The following UTS2B variants were observed in gnomAD, a reference collection of about 807,000 sequenced individuals.
UTS2B encodes urotensin-2B.
In UTS2B, 21 loss-of-function variants were observed where a neutral mutation model predicts 19.2. The ratio of observed to expected loss-of-function variants is 1.09; its 90% CI spans 0.78 to 1.58. The LOEUF (loss-of-function observed/expected upper bound fraction) is 1.58, where lower values mean the gene tolerates loss of function less well. Ranked by LOEUF, UTS2B falls within the 40% of genes most tolerant of loss-of-function variation. The pLI, the probability that UTS2B is intolerant of heterozygous loss-of-function variation, is 0.00. For synonymous variants in UTS2B, 57 were observed against 50.2 expected (o/e 1.14, Z -0.58); for missense variants, 138 against 130.3 (o/e 1.06, Z -0.29).
intron 5 of UTS2B, among the ~76,000 whole-genome samples, chr3:191,279,644 T>G (rs1480290667): frequency 6.6e-6 from 1 of 152,060 alleles, no homozygotes; most frequent in Non-Finnish European, 1.5e-5. Flanking sequence ...GTGAAACATT[T>G]TTCAAAAAAC....
chr3:191,289,145 C>T (rs903330258), intron 4 of UTS2B, among the ~76,000 whole-genome samples: 1 of 152,120 alleles, frequency 6.6e-6, no homozygotes, highest in African/African-American at 2.4e-5. Context: ...CGCAGTGGCT[C>T]ACGCCTGTAA....
At chr3:191,345,734 G>A in the UTS2B span, among the ~76,000 whole-genome samples, 1 of 151,686 alleles carries the variant, frequency 6.6e-6, no homozygotes, top group Non-Finnish European at 1.5e-5. Flanking sequence ...GAATTTAGGG[G>A]ATTAGAAAAA....
chr3:191,295,839 C>T (rs916527469), intron 4 of UTS2B, among the ~76,000 whole-genome samples: 1 of 149,990 alleles, frequency 6.7e-6, no homozygotes, highest in Non-Finnish European at 1.5e-5. Flanking sequence ...CTCTTAAATA[C>T]TTCTCAAACC....
At chr3:191,276,464 A>G (rs1716239129) in intron 7 of UTS2B, among the ~76,000 whole-genome samples, 1 of 152,240 alleles carries the variant, frequency 6.6e-6, no homozygotes, top group South Asian at 2.1e-4. Context: ...TTTAAAAACA[A>G]TAACATCCAT....
chr3:191,268,574 G>T, intron 8 of UTS2B, 133 bp from the exon 9 acceptor site: 1 of 572,692 alleles, frequency 1.7e-6, no homozygotes, highest in Non-Finnish European at 3.1e-6. Context: ...GTAGCTACTA[G>T]CCTCATGTGG....
At chr3:191,346,155 AAAAT>A in the UTS2B span, among the ~76,000 whole-genome samples, 3 of 152,354 alleles carry the variant, frequency 2.0e-5, no homozygotes, top group Middle Eastern at 3.4e-3. Flanking sequence ...GGAGCATTAT[AAAAT>A]AAATCAATAA....
chr3:191,324,948 G>C (rs552251229), intron 2 of UTS2B, among the ~76,000 whole-genome samples: 3 of 152,166 alleles, frequency 2.0e-5, no homozygotes, highest in Non-Finnish European at 1.5e-5. Flanking sequence ...TACTTGGGAG[G>C]CTGAGGCATG....
At chr3:191,268,591 A>C in intron 8 of UTS2B, 150 bp from the exon 9 acceptor site, 1 of 551,784 alleles carries the variant, frequency 1.8e-6, no homozygotes, top group Non-Finnish European at 3.3e-6. Context: ...GTGGATCTTT[A>C]AGTTAATCAC....
At chr3:191,302,016 AG>A in intron 4 of UTS2B, among the ~76,000 whole-genome samples, 1 of 151,920 alleles carries the variant, frequency 6.6e-6, no homozygotes, top group East Asian at 1.9e-4. Context: ...CTGCAATCCC[AG>A]GGGGTTAGGC....
the UTS2B span, among the ~76,000 whole-genome samples, chr3:191,338,603 AG>A: frequency 6.6e-6 from 1 of 152,170 alleles, no homozygotes; most frequent in South Asian, 2.1e-4. Flanking sequence ...TTGTTTTCCC[AG>A]CATTCTCTGG....
intron 3 of UTS2B, among the ~76,000 whole-genome samples, chr3:191,313,328 C>G (rs1250432971): frequency 6.6e-6 from 1 of 152,174 alleles, no homozygotes; most frequent in Admixed American, 6.5e-5. Flanking sequence ...TAACATTTAA[C>G]TCACAGTAAT....
chr3:191,331,736 A>G (rs920905535), upstream of UTS2B, among the ~76,000 whole-genome samples: 11 of 152,212 alleles, frequency 7.2e-5, no homozygotes, highest in African/African-American at 2.4e-4. Flanking sequence ...CAAGTCTAAT[A>G]AAGTGTATCC....
chr3:191,321,797 T>C (rs976835461), intron 2 of UTS2B, among the ~76,000 whole-genome samples: 1 of 152,116 alleles, frequency 6.6e-6, no homozygotes, highest in Non-Finnish European at 1.5e-5. Context: ...GAGGCCAAGG[T>C]GGGCAGATCA....
rs376568968 is a variant in UTS2B, at chr3:191,288,991, TCAAA to T, written c.-124-6682_-124-6679del. 1.5e-3 allele frequency among the ~76,000 whole-genome samples: 222 copies of T among 151,896 alleles called. 1 individual carries two copies. Among genetic ancestry groups the T allele is most frequent in the African/African-American group, 5.2e-3 (217 of 41,402 alleles). ...TTAGTATCCAAAATATCTAAGAAACTCAAACAAATCAATATCAAGAAAACAGCTC... is the reference window on the plus strand; with the variant it reads ...TTAGTATCCAAAATATCTAAGAAACTCAAATCAATATCAAGAAAACAGCTC... On this transcript the variant is annotated intron_variant, in intron 4 of 8. Coordinates refer to ENST00000340524, the MANE Select transcript of UTS2B (RefSeq NM_198152.5).
At chr3:191,324,508 A>T (rs1717693744) in intron 2 of UTS2B, among the ~76,000 whole-genome samples, 1 of 152,102 alleles carries the variant, frequency 6.6e-6, no homozygotes, top group Admixed American at 6.6e-5. Context: ...TATTCTCCTG[A>T]CAGTGAATAA....
intron 5 of UTS2B, among the ~76,000 whole-genome samples, chr3:191,278,954 T>G (rs1036096042): frequency 6.6e-6 from 1 of 152,092 alleles, no homozygotes; most frequent in Non-Finnish European, 1.5e-5. Flanking sequence ...TTCTTCTCCC[T>G]GCCTCTTTGT....
At chr3:191,312,513 C>CTT (rs200654725) in intron 3 of UTS2B, among the ~76,000 whole-genome samples, 2 of 151,430 alleles carry the variant, frequency 1.3e-5, no homozygotes, top group South Asian at 2.1e-4. Context: ...CATCAGTTTA[C>CTT]TTTTTTTTTG....
chr3:191,277,856 AC>A (rs1336836396), intron 6 of UTS2B, among the ~76,000 whole-genome samples: 3 of 151,834 alleles, frequency 2.0e-5, no homozygotes, highest in African/African-American at 7.2e-5. Context: ...TCCCATTAGG[AC>A]CCTCAAATTG....
chr3:191,276,878 C>T, intron 6 of UTS2B, 34 bp from the exon 7 acceptor site: 1 of 1,597,748 alleles, frequency 6.3e-7, no homozygotes, highest in South Asian at 1.1e-5. Context: ...AAAAAACGTA[C>T]ATTGCAAGTA....
Sources: allele counts gnomAD v4.1 joint callset (sites outside exome capture counted in the v4.1 genomes callset), GRCh38; gene constraint gnomAD v4.1.1; transcripts MANE v1.5; gene names NCBI Gene and HGNC (gene_info 2026-07-23, HGNC 2026-07-21).